Variants in SCUBE1 observed in about 807,000 individuals in gnomAD.
SCUBE1 encodes the protein signal peptide, CUB and EGF-like domain-containing protein 1.
SCUBE1 carries 59 observed loss-of-function variants against 124.4 expected under a neutral mutation model. The observed-to-expected ratio is 0.47, with a 90% CI of 0.38 to 0.59. The LOEUF is 0.59. Ranked by LOEUF, SCUBE1 falls within the 20% of genes least tolerant of loss-of-function variation. The pLI, the probability that SCUBE1 is intolerant of heterozygous loss-of-function variation, is 0.00. For missense variants in SCUBE1, 1,150 were observed against 1,371.2 expected, an observed-to-expected ratio of 0.84 and a Z score of 2.55; for synonymous variants, 545 against 550.9, an observed-to-expected ratio of 0.99 and a Z score of 0.15.
chr22:43,277,325 G>A (rs1462247007), intron 4 of SCUBE1, among the ~76,000 whole-genome samples: 1 of 152,088 alleles, frequency 6.6e-6, no homozygotes, highest in Non-Finnish European at 1.5e-5. Context: ...AGTGGGGAAT[G>A]ACAGAGCCAG....
intron 4 of SCUBE1, among the ~76,000 whole-genome samples, chr22:43,284,755 A>ATCGTCGTCGTCG (rs767204628): frequency 2.7e-5 from 4 of 149,190 alleles, no homozygotes; most frequent in Non-Finnish European, 4.4e-5. Flanking sequence ...TGCAATCATC[A>ATCGTCGTCGTCG]TCGTCATCGT....
intron 2 of SCUBE1, among the ~76,000 whole-genome samples, chr22:43,334,033 C>G (rs909182782): frequency 6.6e-6 from 1 of 152,220 alleles, no homozygotes; most frequent in Non-Finnish European, 1.5e-5. Context: ...AGAGCACAGT[C>G]AGTGAGATCT....
chr22:43,246,816 G>C (rs2146694257), intron 6 of SCUBE1, among the ~76,000 whole-genome samples: 1 of 152,326 alleles, frequency 6.6e-6, no homozygotes, highest in East Asian at 1.9e-4. Flanking sequence ...TTTCAGGTGG[G>C]CCTCCGGCAG....
chr22:43,312,912 C>T (rs565538253), intron 3 of SCUBE1, among the ~76,000 whole-genome samples: 55 of 151,984 alleles, frequency 3.6e-4, no homozygotes, highest in African/African-American at 1.2e-3. Context: ...CACTATGGGG[C>T]GGGGGTGGGC....
At position 43,231,891 on chromosome 22, in the gene SCUBE1, G is replaced by C. The variant is rs1205378245; in HGVS notation, c.845-16C>G. 6.2e-7 allele frequency: 1 copy of C among 1,610,816 alleles called. No homozygotes were observed. Among genetic ancestry groups the C allele is most frequent in the Admixed American group, 1.7e-5 (1 of 59,972 alleles). ...TCGTTGATGTCTGTGGGAGCCAAGG[G>C]GGATGGAGGAGTGAGAGCCAGGAGA... On this transcript the variant is annotated splice_polypyrimidine_tract_variant and intron_variant, in intron 7 of 21. Coordinates refer to ENST00000360835, the MANE Select transcript of SCUBE1 (RefSeq NM_173050.5).
chr22:43,210,954 A>G lies in SCUBE1; in HGVS notation c.2351T>C (p.Phe784Ser), dbSNP rs140712527. ...GTGTGTGACGTTGGTGGAGCCATCG[A>G]AGTCTGTGCTGGTGTTGCCCGGACA... ...ITCPGNTSTD[F>S]DGSTNVTHCK... Residue 784 changes from phenylalanine to serine, a missense_variant, in exon 18 of 22, where the codon TTC becomes TCC. Physicochemically the swap from Phe to Ser is radical, Grantham distance 155 (BLOSUM62 -2). Around this residue, in one of 3 missense-constraint regions of SCUBE1, gnomAD observed 757 missense variants for 840.9 expected, o/e 0.90. Transcript: ENST00000360835. The surrounding 1 kb of genome is among the most constrained non-coding windows in gnomAD (Gnocchi z 4.5). 9.3e-6 allele frequency: 15 copies of G among 1,614,074 alleles called. No homozygotes were observed. The African/African-American group carries it at 2.0e-4, about 22-fold the overall frequency.
rs114134086 is a variant in SCUBE1, at chr22:43,320,736, G to A, written c.221-671C>T. ...AATCCCACATTAACTCAGTGATGCA[G>A]GCACCATTCTCACTTCCAATTTTGC... On this transcript the variant is annotated intron_variant, in intron 2 of 21. Coordinates refer to ENST00000360835, the MANE Select transcript of SCUBE1 (RefSeq NM_173050.5). 2.4e-3 allele frequency among the ~76,000 whole-genome samples: 368 copies of A among 152,312 alleles called. 3 individuals carry two copies. The highest frequency in any genetic ancestry group is 8.4e-3 in the African/African-American group (348 of 41,578).
intron 4 of SCUBE1, among the ~76,000 whole-genome samples, chr22:43,267,075 A>G (rs890458448): frequency 1.3e-5 from 2 of 152,216 alleles, no homozygotes; most frequent in African/African-American, 2.4e-5. Context: ...GTCTTGGTAG[A>G]GCAAGGCTGC....
intron 3 of SCUBE1, among the ~76,000 whole-genome samples, chr22:43,298,443 G>T (rs1205921826): frequency 6.6e-6 from 1 of 152,196 alleles, no homozygotes; most frequent in African/African-American, 2.4e-5. Context: ...GCGCATGAAT[G>T]GTAAGGTCAG....
intron 3 of SCUBE1, among the ~76,000 whole-genome samples, chr22:43,312,574 G>C: frequency 6.6e-6 from 1 of 152,144 alleles, no homozygotes; most frequent in Non-Finnish European, 1.5e-5. Context: ...TGGAGCGGAG[G>C]GCTCCGTACA....
In SCUBE1 at chr22:43,212,472, A is replaced by G; in HGVS notation, c.2174T>C (p.Leu725Pro). The change falls in exon 17 of 22, where the codon CTC (leucine) becomes CCC (proline). Residue 725 changes from leucine to proline, a missense_variant. This residue lies in a region of SCUBE1 where 757 missense variants were observed against 840.9 expected (regional missense o/e 0.90). Coordinates refer to ENST00000360835, the MANE Select transcript of SCUBE1 (RefSeq NM_173050.5). ...TGCFPCGGGL[L>P]TKHEGTTSFQ... ...GGAGGTGGTGCCTTCGTGTTTGGTGAGCAAACCCCCTCCACAGGGGAAGCA... is the reference window on the plus strand; with the variant it reads ...GGAGGTGGTGCCTTCGTGTTTGGTGGGCAAACCCCCTCCACAGGGGAAGCA... 1.3e-6 allele frequency: 2 copies of G among 1,553,806 alleles called. No homozygotes were observed. Among genetic ancestry groups the G allele is most frequent in the East Asian group, 2.4e-5 (1 of 41,164 alleles).
chr22:43,238,433 A>G (rs2146685642), intron 7 of SCUBE1: 1 of 498,274 alleles, frequency 2.0e-6, no homozygotes, highest in Non-Finnish European at 3.6e-6. Context: ...TGCAAGACCC[A>G]CTGCAACCAA....
At chr22:43,248,651 T>C (rs543820568) in intron 6 of SCUBE1, among the ~76,000 whole-genome samples, 2 of 152,354 alleles carry the variant, frequency 1.3e-5, no homozygotes, top group Non-Finnish European at 2.9e-5. Flanking sequence ...TGGAGCTCAG[T>C]GGGCAGGGAG....
chr22:43,339,970 C>A (rs540209851), intron 1 of SCUBE1, among the ~76,000 whole-genome samples: 17 of 70,586 alleles, frequency 2.4e-4, no homozygotes, highest in Admixed American at 4.5e-4. Flanking sequence ...TCTACCCCCC[C>A]CAAAGCATAG....
Position 43,296,110 on chromosome 22 carries a change from G to A in SCUBE1, c.350-4930C>T, listed in dbSNP as rs534676191. On this transcript the variant is annotated intron_variant, in intron 3 of 21. Coordinates refer to ENST00000360835, the MANE Select transcript of SCUBE1 (RefSeq NM_173050.5). The stretch of plus-strand genomic sequence containing the variant: ...GGGCTAAGAGGAACAGCAGAGCCAG[G>A]CCGTGGGCATGTAGAGTGAGCGAGG... 5.3e-5 allele frequency among the ~76,000 whole-genome samples: 8 copies of A among 152,210 alleles called. No homozygotes were observed. In the South Asian group the frequency reaches 1.2e-3, roughly 24 times the overall value.
chr22:43,207,710 A>T (rs1041376566), intron 20 of SCUBE1, 97 bp from the exon 21 acceptor site: 3 of 946,092 alleles, frequency 3.2e-6, no homozygotes, highest in Non-Finnish European at 5.1e-6. Context: ...CCTGTGCTCC[A>T]GCCACGGGCT....
chr22:43,214,046 C>CGGGGGGGGGGGGGG, intron 16 of SCUBE1, 44 bp downstream of exon 16: 14 of 422,698 alleles, frequency 3.3e-5, no homozygotes, highest in Middle Eastern at 7.5e-4. Context: ...GAGGAGCCCC[C>CGGGGGGGGGGGGGG]GCCCACCCCC....
At chr22:43,300,636 T>C (rs1925736475) in intron 3 of SCUBE1, among the ~76,000 whole-genome samples, 1 of 152,148 alleles carries the variant, frequency 6.6e-6, no homozygotes, top group Non-Finnish European at 1.5e-5. Context: ...ACTAGACCCT[T>C]ACCAGATATA....
chr22:43,284,755 A>ATTG (rs1555886374), intron 4 of SCUBE1, among the ~76,000 whole-genome samples: 2 of 149,190 alleles, frequency 1.3e-5, no homozygotes, highest in African/African-American at 2.6e-5. Flanking sequence ...TGCAATCATC[A>ATTG]TCGTCATCGT....
Sources: allele counts gnomAD v4.1 joint callset (sites outside exome capture counted in the v4.1 genomes callset), GRCh38; gene constraint gnomAD v4.1.1; regional missense constraint gnomAD v4.1.1; non-coding constraint Gnocchi (gnomAD v3.1); transcripts MANE v1.5; gene names NCBI Gene and HGNC (gene_info 2026-07-23, HGNC 2026-07-21).